TEK: variants seen among roughly 807,000 people sequenced by gnomAD.
TEK encodes the protein angiopoietin-1 receptor.
Under a neutral mutation model 131.8 loss-of-function variants are expected in TEK, and 43 were observed. The observed-to-expected ratio is 0.33, with a 90% CI of 0.26 to 0.42. TEK has a LOEUF of 0.42. Ranked by LOEUF, TEK falls within the 10% of genes least tolerant of loss-of-function variation. TEK has a pLI of 1.00. For missense variants in TEK, 1,162 were observed against 1,384.4 expected (o/e 0.84, Z 2.55); for synonymous variants, 580 against 491.6 (o/e 1.18, Z -2.38).
At chr9:27,138,196 C>G (rs548062666) in intron 1 of TEK, among the ~76,000 whole-genome samples, 30 of 152,302 alleles carry the variant, frequency 2.0e-4, no homozygotes, top group Admixed American at 3.3e-4. Flanking sequence ...TTGTGAAGAG[C>G]AAAAGAACAA....
At chr9:27,199,767 C>G (rs903653786) in intron 12 of TEK, among the ~76,000 whole-genome samples, 3 of 152,114 alleles carry the variant, frequency 2.0e-5, no homozygotes, top group African/African-American at 7.2e-5. Context: ...TTTGTGTAAT[C>G]TAAATACTTT....
intron 10 of TEK, among the ~76,000 whole-genome samples, chr9:27,190,937 A>G (rs1824794537): frequency 6.6e-6 from 1 of 152,068 alleles, no homozygotes; most frequent in South Asian, 2.1e-4. Context: ...TACTATCTAT[A>G]TCAATATTTC....
intron 19 of TEK, 136 bp from the exon 20 acceptor site, chr9:27,218,641 C>A: frequency 1.2e-6 from 1 of 839,890 alleles, no homozygotes; most frequent in Non-Finnish European, 2.0e-6. Flanking sequence ...ACACTGTGTG[C>A]AAGGGCCTAT....
At position 27,178,725 on chromosome 9, in the gene TEK, A is replaced by C. The variant is rs1331414852; in HGVS notation, c.902-1515A>C. ...ACCCAGTTAACAGAATCCATTTGCC[A>C]TGTACCAAATTCTAAGAATTGTCCT... On this transcript the variant is annotated intron_variant, in intron 6 of 22. Transcript: ENST00000380036. 2.0e-5 allele frequency among the ~76,000 whole-genome samples: 3 copies of C among 152,224 alleles called. No homozygotes were observed. The East Asian group carries it at 5.8e-4, about 29-fold the overall frequency.
At chr9:27,173,650 A>G (rs1824047606) in intron 6 of TEK, among the ~76,000 whole-genome samples, 1 of 151,842 alleles carries the variant, frequency 6.6e-6, no homozygotes, top group Non-Finnish European at 1.5e-5. Flanking sequence ...CTGCATTTCT[A>G]ACAGGCTCCC....
intron 2 of TEK, among the ~76,000 whole-genome samples, chr9:27,164,381 G>T (rs902219076): frequency 1.3e-4 from 20 of 149,866 alleles, no homozygotes; most frequent in Non-Finnish European, 2.5e-4. Flanking sequence ...GTGCAGTGGC[G>T]CAATCTCAGC....
intron 1 of TEK, among the ~76,000 whole-genome samples, chr9:27,137,835 G>A (rs529608894): frequency 0.011 from 1,722 of 152,038 alleles, 40 homozygotes; most frequent in African/African-American, 0.039. Flanking sequence ...GGTTGTATTA[G>A]TTCTTTTGTG....
chr9:27,197,653 T>C, intron 12 of TEK, 54 bp downstream of exon 12: 2 of 1,606,454 alleles, frequency 1.2e-6, no homozygotes, highest in Non-Finnish European at 8.5e-7. Context: ...GCTACCGCCA[T>C]GCAGACTTAG....
At position 27,218,134 on chromosome 9, in the gene TEK, G is replaced by GGGT. The variant is rs530858751; in HGVS notation, c.3062+378_3062+379insTGG. 5.1e-3 allele frequency among the ~76,000 whole-genome samples: 759 copies of GGGT among 149,676 alleles called. 20 individuals carry two copies. Among genetic ancestry groups the GGGT allele is most frequent in the Middle Eastern group, 0.017 (5 of 288 alleles). On this transcript the variant is annotated intron_variant, in intron 19 of 22. Transcript: ENST00000380036. Reference sequence around the variant, plus strand: ...GGACAAAATAAGGCCAGACAGTGGCGGGGGTCGTCTCTGCTTGCAGCCTGC... The same window carrying GGGT: ...GGACAAAATAAGGCCAGACAGTGGCGGGTGGGGTCGTCTCTGCTTGCAGCCTGC...
chr9:27,182,826 A>G (rs1050744080), intron 7 of TEK, among the ~76,000 whole-genome samples: 2 of 152,180 alleles, frequency 1.3e-5, no homozygotes, highest in Non-Finnish European at 2.9e-5. Flanking sequence ...TCCTTCTTTC[A>G]ATATTGGCAG....
intron 21 of TEK, among the ~76,000 whole-genome samples, chr9:27,225,758 CCTT>C (rs1826298439): frequency 6.6e-6 from 1 of 151,908 alleles, no homozygotes; most frequent in African/African-American, 2.4e-5. Context: ...AAACTAAAGA[CCTT>C]CTGCACAGCA....
In TEK at chr9:27,185,570, T is replaced by G; in HGVS notation, c.1268T>G (p.Val423Gly). 3 of 1,613,844 alleles carry G rather than the reference T, an allele frequency of 1.9e-6. No homozygotes were observed. The highest frequency in any genetic ancestry group is 2.5e-6 in the Non-Finnish European group (3 of 1,179,792). Reference protein sequence around the residue: ...RILPPDSGVWVCSVNTVAGMV... With the variant: ...RILPPDSGVWGCSVNTVAGMV... ...CTCCCCCCTGACTCAGGAGTTTGGG[T>G]CTGCAGTGTGAACACAGTGGCTGGG... is the stretch of plus-strand genomic sequence containing the variant. Residue 423 changes from valine to glycine, a missense_variant, in exon 9 of 23, where the codon GTC becomes GGC. Val to Gly is a moderately radical substitution (Grantham distance 109). Transcript: ENST00000380036.
At position 27,169,533 on chromosome 9, in the gene TEK, C is replaced by A. The variant is rs1482491209; in HGVS notation, c.532C>A (p.Leu178Met). The A allele has an allele frequency of 1.9e-6, 3 of 1,614,052 alleles. No homozygotes were observed. The highest frequency in any genetic ancestry group is 2.5e-6 in the Non-Finnish European group (3 of 1,180,016). Residue 178 changes from leucine to methionine, a missense_variant, in exon 4 of 23, where the codon CTG (leucine) becomes ATG (methionine). This residue lies in a region of TEK where 436 missense variants were observed against 539.1 expected (regional missense o/e 0.81). Transcript: ENST00000380036. The stretch of plus-strand genomic sequence containing the variant: ...AGTACCTGATATTCTAGAAGTACAC[C>A]TGCCTCATGCTCAGCCCCAGGATGC... Reference protein sequence around the residue: ...HEVPDILEVHLPHAQPQDAGV... With the variant: ...HEVPDILEVHMPHAQPQDAGV...
chr9:27,202,131 G>A (rs1481542602), intron 12 of TEK, among the ~76,000 whole-genome samples: 1 of 152,166 alleles, frequency 6.6e-6, no homozygotes, highest in Non-Finnish European at 1.5e-5. Flanking sequence ...ATCTTCACAT[G>A]TGGAAAACCT....
intron 6 of TEK, among the ~76,000 whole-genome samples, chr9:27,177,728 C>T (rs1368764007): frequency 6.6e-6 from 1 of 151,616 alleles, no homozygotes; most frequent in Non-Finnish European, 1.5e-5. Context: ...CCAGCCTGGG[C>T]AACAAGAGTG....
At chr9:27,185,394 C>G (rs1824557123) in intron 8 of TEK, 91 bp from the exon 9 acceptor site, 1 of 1,514,722 alleles carries the variant, frequency 6.6e-7, no homozygotes, top group South Asian at 1.1e-5. Flanking sequence ...TAGGAAACTT[C>G]TTATTAAACA....
chr9:27,192,091 G>C, intron 10 of TEK: 1 of 387,970 alleles, frequency 2.6e-6, no homozygotes. Context: ...AACCTCCTAA[G>C]CATCTTTTTC....
chr9:27,178,731 C>T (rs1824258590), intron 6 of TEK, among the ~76,000 whole-genome samples: 1 of 152,130 alleles, frequency 6.6e-6, no homozygotes, highest in South Asian at 2.1e-4. Flanking sequence ...TGCCATGTAC[C>T]AAATTCTAAG....
chr9:27,145,217 C>T lies in TEK; in HGVS notation c.53-12614C>T, dbSNP rs549016701. ...AACTGCTTTTCCAGAATTGCTTGCA[C>T]GTGCAGAGAACTGGTCTCCTGTTAA... On this transcript the variant is annotated intron_variant, in intron 1 of 22. Coordinates refer to ENST00000380036, the MANE Select transcript of TEK (RefSeq NM_000459.5). Among the ~76,000 whole-genome samples the T allele has an allele frequency of 9.7e-4, 147 of 152,308 alleles. 1 individual carries two copies. The highest frequency in any genetic ancestry group is 3.3e-3 in the African/African-American group (138 of 41,566).
Sources: allele counts gnomAD v4.1 joint callset (sites outside exome capture counted in the v4.1 genomes callset), GRCh38; gene constraint gnomAD v4.1.1; regional missense constraint gnomAD v4.1.1; transcripts MANE v1.5; gene names NCBI Gene and HGNC (gene_info 2026-07-23, HGNC 2026-07-21).